Variants in BEND2 observed in about 807,000 individuals in gnomAD.
The protein encoded by BEND2 is BEN domain-containing protein 2.
A neutral mutation model predicts 43.8 loss-of-function variants in BEND2; 19 were observed. That is an observed-to-expected ratio of 0.43 (90% CI 0.30 to 0.64). BEND2 has a LOEUF of 0.64. Ranked by LOEUF, BEND2 falls within the 30% of genes least tolerant of loss-of-function variation. The probability of loss-of-function intolerance (pLI) is 0.11; values close to 1 mark genes in which losing one functional copy is unlikely to be tolerated. For synonymous variants in BEND2, 226 were observed against 210.1 expected (o/e 1.08, Z -0.66); for missense variants, 544 against 574.0 (o/e 0.95, Z 0.53).
At chrX:18,204,833 C>T (rs774614745) in intron 4 of BEND2, among the ~76,000 whole-genome samples, 4 of 111,685 alleles carry the variant, frequency 3.6e-5, no homozygotes, top group African/African-American at 1.3e-4. Flanking sequence ...AAGGAAGGTG[C>T]TATTTTAGGA....
chrX:18,201,164 C>T (rs1216726144), intron 6 of BEND2, among the ~76,000 whole-genome samples: 1 of 110,486 alleles, frequency 9.1e-6, no homozygotes, highest in African/African-American at 3.3e-5. Flanking sequence ...GAGGCAGAGG[C>T]GGACAGATCA....
intron 8 of BEND2, among the ~76,000 whole-genome samples, chrX:18,187,472 A>G (rs1924615449): frequency 8.9e-6 from 1 of 111,908 alleles, no homozygotes; most frequent in South Asian, 3.7e-4. Flanking sequence ...TGCACCCAAC[A>G]CTGGTGTACC....
chrX:18,211,364 T>C (rs1011302541), intron 4 of BEND2, among the ~76,000 whole-genome samples: 3 of 111,944 alleles, frequency 2.7e-5, no homozygotes, highest in Non-Finnish European at 5.6e-5. Context: ...TACCTAAAAC[T>C]TCCACTCTCA....
rs1924902614 is a variant in BEND2, at chrX:18,195,317, G to C, written c.1159C>G (p.Leu387Val). The C allele has an allele frequency of 2.5e-6, 3 of 1,207,400 alleles. No homozygotes were observed. The East Asian group carries it at 8.9e-5, about 36-fold the overall frequency. ...TCACCAAAATTAGAAGTGATGGGAA[G>C]ATATGAAGAGGCTGGATATGGGGCA... Reference protein sequence around the residue: ...TSAPYPASSYLPITSNFESGP... With the variant: ...TSAPYPASSYVPITSNFESGP... The change falls in exon 7 of 14, where the codon CTT (leucine) becomes GTT (valine). Residue 387 changes from leucine to valine, a missense_variant. Physicochemically the swap from Leu to Val is conservative, Grantham distance 32. Coordinates refer to ENST00000380033, the MANE Select transcript of BEND2 (RefSeq NM_153346.5).
intron 1 of BEND2, among the ~76,000 whole-genome samples, chrX:18,217,835 C>T (rs1925717841): frequency 9.0e-6 from 1 of 111,108 alleles, no homozygotes; most frequent in Non-Finnish European, 1.9e-5. Flanking sequence ...AATCCCAGAA[C>T]TTTGGGAGGC....
chrX:18,189,842 A>G (rs1171467796), intron 8 of BEND2, among the ~76,000 whole-genome samples: 1 of 110,605 alleles, frequency 9.0e-6, no homozygotes, highest in Non-Finnish European at 1.9e-5. Context: ...AGGTCAGGAG[A>G]TCGAGACCAT....
At chrX:18,219,876 C>A (rs1249017375) in intron 1 of BEND2, among the ~76,000 whole-genome samples, 4 of 111,359 alleles carry the variant, frequency 3.6e-5, no homozygotes, top group Non-Finnish European at 5.7e-5. Flanking sequence ...CCTGCACTCC[C>A]ACCTGGGCAC....
chrX:18,210,900 G>A (rs1052798725), intron 4 of BEND2, among the ~76,000 whole-genome samples: 3 of 111,700 alleles, frequency 2.7e-5, no homozygotes, highest in Non-Finnish European at 5.6e-5. Context: ...CTACTTCTTT[G>A]TTTCAAAATA....
intron 1 of BEND2, among the ~76,000 whole-genome samples, chrX:18,218,376 TAACC>T (rs1325171172): frequency 9.0e-6 from 1 of 111,597 alleles, no homozygotes; most frequent in Non-Finnish European, 1.9e-5. Flanking sequence ...CAGAAGAAAA[TAACC>T]AAGGCAACTG....
rs144191138 is a variant in BEND2, at chrX:18,196,450, T to C, written c.1034-1008A>G. 5.4e-3 allele frequency among the ~76,000 whole-genome samples: 597 copies of C among 111,088 alleles called. 6 individuals carry two copies. Among genetic ancestry groups the C allele is most frequent in the African/African-American group, 0.018 (557 of 30,650 alleles). On this transcript the variant is annotated intron_variant, in intron 6 of 13. Coordinates refer to ENST00000380033, the MANE Select transcript of BEND2 (RefSeq NM_153346.5). ...ATGCTAGTACCATAAGACCCAGCAATTGTGCTCTTGACATTCATGACAGAC... is the reference window on the plus strand; with the variant it reads ...ATGCTAGTACCATAAGACCCAGCAACTGTGCTCTTGACATTCATGACAGAC...
At chrX:18,195,257 TGAG>T (rs1924899421) in intron 7 of BEND2, 36 bp downstream of exon 7, 1 of 1,170,618 alleles carries the variant, frequency 8.5e-7, no homozygotes, top group African/African-American at 1.8e-5. Flanking sequence ...TGAATCTAGA[TGAG>T]AGGCCTGCTT....
chrX:18,195,264 C>A lies in BEND2; in HGVS notation c.1180+32G>T, dbSNP rs760022648. ...AATGTTGATGAATCTAGATGAGAGG[C>A]CTGCTTGTGATATCCATTATTTCAA... On this transcript the variant is annotated intron_variant, in intron 7 of 13. Transcript: ENST00000380033. The A allele has an allele frequency of 1.4e-5, 16 of 1,175,539 alleles. No homozygotes were observed. In the African/African-American group the frequency reaches 2.5e-4, roughly 19 times the overall value.
At chrX:18,206,073 T>A (rs1465954410) in intron 4 of BEND2, among the ~76,000 whole-genome samples, 1 of 112,016 alleles carries the variant, frequency 8.9e-6, no homozygotes, top group Non-Finnish European at 1.9e-5. Context: ...CAGGGTTCTC[T>A]TGAGGACAAG....
chrX:18,195,262 G>C, intron 7 of BEND2, 34 bp downstream of exon 7: 1 of 1,177,073 alleles, frequency 8.5e-7, no homozygotes, highest in Non-Finnish European at 1.1e-6. Context: ...CTAGATGAGA[G>C]GCCTGCTTGT....
At chrX:18,218,809 G>A (rs1431539817) in intron 1 of BEND2, among the ~76,000 whole-genome samples, 2 of 111,748 alleles carry the variant, frequency 1.8e-5, no homozygotes, top group African/African-American at 3.3e-5. Flanking sequence ...GCAGTGAGCC[G>A]AGATTGCGCC....
At position 18,201,822 on chromosome X, in the gene BEND2, G is replaced by A; in HGVS notation, c.1026C>T (p.Pro342=). 8.3e-7 allele frequency: 1 copy of A among 1,204,904 alleles called. No homozygotes were observed. The highest frequency in any genetic ancestry group is 3.0e-5 in the East Asian group (1 of 33,367). Residue 342 remains proline, a synonymous_variant, in exon 6 of 14, where the codon CCC becomes CCT. Coordinates refer to ENST00000380033, the MANE Select transcript of BEND2 (RefSeq NM_153346.5). The stretch of plus-strand genomic sequence containing the variant: ...GTATCATTTCAAACTCACCAAAATA[G>A]GGAGGGATGAAGACAGATAAAGAGG... ...NTASLSVFIP[P]YFAEKIILTE...
intron 12 of BEND2, among the ~76,000 whole-genome samples, chrX:18,172,320 C>T (rs1262354175): frequency 9.1e-6 from 1 of 110,369 alleles, no homozygotes; most frequent in Non-Finnish European, 1.9e-5. Context: ...TATCAAGGGT[C>T]AGGAAAAAAA....
At chrX:18,168,826 T>C (rs1923889009) in intron 13 of BEND2, among the ~76,000 whole-genome samples, 2 of 112,069 alleles carry the variant, frequency 1.8e-5, no homozygotes, top group African/African-American at 3.2e-5. Flanking sequence ...TAAGAAACTA[T>C]ACTAGAATAG....
In BEND2 at chrX:18,214,760, G is replaced by A. The variant is rs183861157; in HGVS notation, c.239-849C>T. 4.0e-3 allele frequency among the ~76,000 whole-genome samples: 341 copies of A among 85,152 alleles called. 2 individuals carry two copies. The highest frequency in any genetic ancestry group is 5.1e-3 in the Non-Finnish European group (238 of 46,515). The allele number at this position is 85,152 out of a possible 115,157, so 73.9% of individuals were successfully genotyped here. ...CGGGAGGCAGAGATTGCAGTGAGCC[G>A]AGATCACACCACTGCACTCCAACCT... On this transcript the variant is annotated intron_variant, in intron 2 of 13. Coordinates refer to ENST00000380033, the MANE Select transcript of BEND2 (RefSeq NM_153346.5).
Sources: allele counts gnomAD v4.1 joint callset (sites outside exome capture counted in the v4.1 genomes callset), GRCh38; gene constraint gnomAD v4.1.1; transcripts MANE v1.5; gene names NCBI Gene and HGNC (gene_info 2026-07-23, HGNC 2026-07-21).